Variants in PHF19 observed in about 807,000 individuals in gnomAD.
PHF19 encodes the protein PHD finger protein 19.
In PHF19, 21 loss-of-function variants were observed where a neutral mutation model predicts 79.8. That is an observed-to-expected ratio of 0.26 (90% CI 0.19 to 0.38). The LOEUF (loss-of-function observed/expected upper bound fraction) is 0.38. Ranked by LOEUF, PHF19 falls within the 10% of genes least tolerant of loss-of-function variation. The probability of loss-of-function intolerance (pLI) is 1.00; values close to 1 mark genes in which losing one functional copy is unlikely to be tolerated. For missense variants in PHF19, 445 were observed against 744.2 expected, an observed-to-expected ratio of 0.60 and a Z score of 4.68; for synonymous variants, 273 against 296.3, an observed-to-expected ratio of 0.92 and a Z score of 0.81.
At chr9:120,897,106 A>G (rs1463887454), upstream of PHF19, among the ~76,000 whole-genome samples, 1 of 152,226 alleles carries the variant, frequency 6.6e-6, no homozygotes, top group Non-Finnish European at 1.5e-5. Context: ...GCGGATTACG[A>G]TCATATGTAC....
Position 120,860,883 on chromosome 9 carries a change from AC to A in PHF19, c.1304+205del. The stretch of plus-strand genomic sequence containing the variant: ...TCAAACAGCATGGTGAGTGTGGATA[AC>A]CATGGGGCAAGGTGGGGAGGGCTGG... On this transcript the variant is annotated intron_variant, in intron 13 of 14. Transcript: ENST00000373896. The surrounding 1 kb of genome is among the most constrained non-coding windows in gnomAD (Gnocchi z 4.1). The A allele has an allele frequency of 1.8e-6, 1 of 544,864 alleles. No homozygotes were observed. The highest frequency in any genetic ancestry group is 3.0e-5 in the Admixed American group (1 of 33,292). 33.8% of individuals were successfully genotyped at this position (544,864 alleles called of 1,614,324 possible).
upstream of PHF19, chr9:120,877,437 G>A (rs907432025): frequency 1.4e-6 from 1 of 714,336 alleles, no homozygotes; most frequent in Non-Finnish European, 1.7e-6. Context: ...GCCAGCCCCC[G>A]CCCGCCCCCG....
intron 1 of PHF19, among the ~76,000 whole-genome samples, chr9:120,889,382 T>C (rs1193271046): frequency 7.0e-6 from 1 of 142,368 alleles, no homozygotes; most frequent in African/African-American, 2.6e-5. Context: ...GCTGAGATCA[T>C]GCCATTGTAC....
At chr9:120,881,060 G>A (rs1312439814), upstream of PHF19, among the ~76,000 whole-genome samples, 6 of 151,972 alleles carry the variant, frequency 3.9e-5, no homozygotes, top group Non-Finnish European at 5.9e-5. Flanking sequence ...AAACATGCAT[G>A]GGAAATCAAA....
rs1181296362 is a variant in PHF19, at chr9:120,862,346, C to T, written c.1130+242G>A. Reference sequence around the variant, plus strand: ...CCTGCCTTCCCCTTCACCTCCTTGCCCAAGTCCTAATCCAGCAAGGCTGGG... The same window carrying T: ...CCTGCCTTCCCCTTCACCTCCTTGCTCAAGTCCTAATCCAGCAAGGCTGGG... On this transcript the variant is annotated intron_variant, in intron 11 of 14. Transcript: ENST00000373896. The surrounding 1 kb of genome is among the most constrained non-coding windows in gnomAD (Gnocchi z 4.6). Among the ~76,000 whole-genome samples the T allele has an allele frequency of 1.3e-5, 2 of 152,210 alleles. No homozygotes were observed. The highest frequency in any genetic ancestry group is 2.9e-5 in the Non-Finnish European group (2 of 68,026).
upstream of PHF19, chr9:120,877,211 G>C: frequency 1.0e-6 from 1 of 979,976 alleles, no homozygotes; most frequent in Non-Finnish European, 1.2e-6. Flanking sequence ...GGCCGGGGTC[G>C]GGGTCTCGGC....
At chr9:120,873,679 G>A (rs1156529853) in intron 3 of PHF19, among the ~76,000 whole-genome samples, 1 of 152,204 alleles carries the variant, frequency 6.6e-6, no homozygotes, top group Non-Finnish European at 1.5e-5. Context: ...GTGCAGCCAG[G>A]AAGCAAACGC....
At chr9:120,892,239 C>T (rs903975469) in intron 1 of PHF19, among the ~76,000 whole-genome samples, 18 of 152,192 alleles carry the variant, frequency 1.2e-4, no homozygotes, top group African/African-American at 1.2e-4. Flanking sequence ...AAACCCCACA[C>T]GTGGATGAAG....
rs2046084698 is a variant in PHF19, at chr9:120,877,074, A to G, written c.-16+17T>C. Reference sequence around the variant, plus strand: ...GGAGAGCGTGGCGGGGAGTCCGCCCAACAGCGCAGAACTCACCGCGAGGCT... The same window carrying G: ...GGAGAGCGTGGCGGGGAGTCCGCCCGACAGCGCAGAACTCACCGCGAGGCT... On this transcript the variant is annotated intron_variant, in intron 1 of 14. Coordinates refer to ENST00000373896, the MANE Select transcript of PHF19 (RefSeq NM_015651.3). 1 of 985,172 alleles carries G rather than the reference A, an allele frequency of 1.0e-6. No individual in the cohort carries two copies. The highest frequency in any genetic ancestry group is 1.2e-6 in the Non-Finnish European group (1 of 829,896). The allele number at this position is 985,172 out of a possible 1,614,324, so 61.0% of individuals were successfully genotyped here. A position where few individuals can be genotyped will look rare whatever the true frequency, so the allele number is the denominator to read the frequency against.
intron 1 of PHF19, among the ~76,000 whole-genome samples, chr9:120,889,074 G>A (rs984917072): frequency 6.6e-6 from 1 of 152,164 alleles, no homozygotes; most frequent in Non-Finnish European, 1.5e-5. Context: ...GGTGGGGGTG[G>A]ATGCTGGACA....
chr9:120,900,542 A>G, the PHF19 span, among the ~76,000 whole-genome samples: 1 of 151,984 alleles, frequency 6.6e-6, no homozygotes, highest in Non-Finnish European at 1.5e-5. Flanking sequence ...TCTTCTCTAT[A>G]TGACTTTTGT....
At position 120,874,596 on chromosome 9, in the gene PHF19, C is replaced by A; in HGVS notation, c.146G>T (p.Arg49Leu). The A allele has an allele frequency of 6.2e-7, 1 of 1,613,802 alleles. No homozygotes were observed. Among genetic ancestry groups the A allele is most frequent in the East Asian group, 2.2e-5 (1 of 44,882 alleles). ...GAGGTAGTACAGGCCATCTGTCCACCGGCACAGCACATACTGGCCCTCCGT... is the reference window on the plus strand; with the variant it reads ...GAGGTAGTACAGGCCATCTGTCCACAGGCACAGCACATACTGGCCCTCCGT... ...KLTEGQYVLC[R>L]WTDGLYYLGK... Residue 49 changes from arginine (R) to leucine (L), a missense_variant, in exon 2 of 15, where the codon CGG becomes CTG. Around this residue, in one of 5 missense-constraint regions of PHF19, gnomAD observed 167 missense variants for 375.8 expected, o/e 0.44. Coordinates refer to ENST00000373896, the MANE Select transcript of PHF19 (RefSeq NM_015651.3). This position sits in a 1 kb window ranked among gnomAD's most constrained non-coding sequence, Gnocchi z 4.5.
At chr9:120,868,299 T>C (rs561611193) in intron 6 of PHF19, 2 of 152,250 alleles carry the variant, frequency 1.3e-5, no homozygotes, top group Admixed American at 1.3e-4. Flanking sequence ...GAAAAGGTTA[T>C]CTTGACTTTC....
chr9:120,877,287 G>T, upstream of PHF19: 3 of 944,538 alleles, frequency 3.2e-6, no homozygotes, highest in Non-Finnish European at 2.5e-6. Flanking sequence ...GGGCCGGGGC[G>T]CTCAGGAAGG....
intron 1 of PHF19, among the ~76,000 whole-genome samples, chr9:120,892,467 T>TA (rs946133335): frequency 6.6e-6 from 1 of 152,136 alleles, no homozygotes; most frequent in African/African-American, 2.4e-5. Context: ...GCCAACTCTC[T>TA]AAAAAAATAC....
At chr9:120,881,132 A>C (rs2131582346), upstream of PHF19, among the ~76,000 whole-genome samples, 1 of 147,706 alleles carries the variant, frequency 6.8e-6, no homozygotes, top group Admixed American at 6.9e-5. Flanking sequence ...GATCAGAAGG[A>C]AGCACATCGG....
rs879701336 is a variant in PHF19 at position 120,877,145 on chromosome 9, G to A, written c.-70C>T. 2.9e-4 allele frequency: 281 copies of A among 985,034 alleles called. No homozygotes were observed. The highest frequency in any genetic ancestry group is 3.1e-4 in the Non-Finnish European group (259 of 829,798). 61.0% of individuals were successfully genotyped at this position (985,034 alleles called of 1,614,324 possible). A position where few individuals can be genotyped will look rare whatever the true frequency, so the allele number is the denominator to read the frequency against. On this transcript the variant is annotated 5_prime_UTR_variant, in exon 1 of 15. Coordinates refer to ENST00000373896, the MANE Select transcript of PHF19 (RefSeq NM_015651.3). ...TGGAGTCTGGCCACCAGGCGCATCG[G>A]TGGCGGAGGCGGCTGCGCTCGGCCC...
At chr9:120,896,493 C>T (rs1417119246), upstream of PHF19, among the ~76,000 whole-genome samples, 3 of 147,150 alleles carry the variant, frequency 2.0e-5, no homozygotes, top group African/African-American at 5.1e-5. Context: ...GCTCTGTCGC[C>T]CAGGCTGGAG....
At chr9:120,876,602 G>T (rs1264186881) in intron 1 of PHF19, among the ~76,000 whole-genome samples, 2 of 152,226 alleles carry the variant, frequency 1.3e-5, no homozygotes, top group African/African-American at 4.8e-5. Flanking sequence ...GCCGGGCGGG[G>T]GCAGGAAGCG....
Sources: allele counts gnomAD v4.1 joint callset (sites outside exome capture counted in the v4.1 genomes callset), GRCh38; gene constraint gnomAD v4.1.1; regional missense constraint gnomAD v4.1.1; non-coding constraint Gnocchi (gnomAD v3.1); transcripts MANE v1.5; gene names NCBI Gene and HGNC (gene_info 2026-07-23, HGNC 2026-07-21).